Variants in TUSC3 observed in about 807,000 individuals in gnomAD.
TUSC3 encodes dolichyl-diphosphooligosaccharide--protein glycosyltransferase subunit TUSC3.
In TUSC3, 45 loss-of-function variants were observed where a neutral mutation model predicts 44.8. That is an observed-to-expected ratio of 1.00 (90% confidence interval 0.79 to 1.29). The LOEUF (loss-of-function observed/expected upper bound fraction) is 1.29. Ranked by LOEUF, TUSC3 falls within the 50% of genes most tolerant of loss-of-function variation. The pLI is 0.00. For synonymous variants in TUSC3, 212 were observed against 152.9 expected (o/e 1.39, Z -2.85); for missense variants, 519 against 437.9 (o/e 1.19, Z -1.65).
rs530312742 is a variant in TUSC3 at position 15,753,116 on chromosome 8, T to TTTCTAATCCTATAATGTTCTCTTCA, written c.1028+4653_1029-4649dup. 1.6e-4 allele frequency among the ~76,000 whole-genome samples: 25 copies of TTTCTAATCCTATAATGTTCTCTTCA among 152,194 alleles called. No homozygotes were observed. The East Asian group carries it at 3.7e-3, about 22-fold the overall frequency. On this transcript the variant is annotated intron_variant, in intron 9 of 10. Coordinates refer to ENST00000503731, the MANE Select transcript of TUSC3 (RefSeq NM_006765.4). ...TAGATGTGATTCCCTTTTTATGTTT[T>TTTCTAATCCTATAATGTTCTCTTCA]TTCTAATCCTATAATGTTCTCTTCA...
chr8:15,629,465 T>A (rs531689123), intron 2 of TUSC3, among the ~76,000 whole-genome samples: 1 of 152,114 alleles, frequency 6.6e-6, no homozygotes, highest in East Asian at 1.9e-4. Flanking sequence ...AGAAAAATTA[T>A]TCAAATTATA....
chr8:15,836,840 T>A, the TUSC3 span, among the ~76,000 whole-genome samples: 1 of 152,330 alleles, frequency 6.6e-6, no homozygotes, highest in South Asian at 2.1e-4. Flanking sequence ...TGCAGTTTTA[T>A]ACTTCTACTT....
intron 10 of TUSC3, chr8:15,758,151 G>C (rs887087250): frequency 8.1e-6 from 9 of 1,106,680 alleles, no homozygotes; most frequent in Non-Finnish European, 9.9e-6. Context: ...TTATCACTTA[G>C]GGAAAAAAGG....
intron 6 of TUSC3, among the ~76,000 whole-genome samples, chr8:15,729,878 A>G (rs995505008): frequency 6.6e-6 from 1 of 152,170 alleles, no homozygotes; most frequent in Non-Finnish European, 1.5e-5. Context: ...AGAAAAAAAA[A>G]AGATACCTTC....
intron 6 of TUSC3, among the ~76,000 whole-genome samples, chr8:15,719,497 ACACACACACACACACACAC>A (rs1350017588): frequency 0.017 from 2,149 of 129,970 alleles, 30 homozygotes; most frequent in African/African-American, 0.056. Context: ...ACAGTTCATC[ACACACACACACACACACAC>A]CACACACACA....
chr8:15,540,191 C>A, upstream of TUSC3: 1 of 501,344 alleles, frequency 2.0e-6, no homozygotes, highest in East Asian at 3.7e-5. Flanking sequence ...GCCTGGCTCC[C>A]TCGCCACGCC....
At chr8:15,739,139 T>C (rs1026949018) in intron 7 of TUSC3, among the ~76,000 whole-genome samples, 1 of 152,126 alleles carries the variant, frequency 6.6e-6, no homozygotes, top group Admixed American at 6.5e-5. Flanking sequence ...CCTCTTGCTT[T>C]GTTATTAAGA....
At chr8:15,735,268 C>T (rs992959679) in intron 7 of TUSC3, among the ~76,000 whole-genome samples, 8 of 34,022 alleles carry the variant, frequency 2.4e-4, no homozygotes, top group Non-Finnish European at 4.8e-4. Context: ...AGTGACTCAG[C>T]TGCTGTTTTA....
At chr8:15,520,767 C>A (rs1312902154) in intron 2 of TUSC3, among the ~76,000 whole-genome samples, 1 of 152,136 alleles carries the variant, frequency 6.6e-6, no homozygotes, top group African/African-American at 2.4e-5. Flanking sequence ...CCTACAAACA[C>A]CATAAAGTAT....
chr8:15,801,043 A>G, the TUSC3 span, among the ~76,000 whole-genome samples: 1 of 152,194 alleles, frequency 6.6e-6, no homozygotes, highest in African/African-American at 2.4e-5. Context: ...ATCTCACCCA[A>G]GAAAGAATTC....
At chr8:15,769,536 A>G (rs1812404805), downstream of TUSC3, among the ~76,000 whole-genome samples, 1 of 152,240 alleles carries the variant, frequency 6.6e-6, no homozygotes, top group African/African-American at 2.4e-5. Context: ...CTTCATGACT[A>G]AAACACCAAA....
intron 5 of TUSC3, among the ~76,000 whole-genome samples, chr8:15,664,404 G>A (rs2129180743): frequency 6.7e-6 from 1 of 150,302 alleles, no homozygotes; most frequent in East Asian, 2.0e-4. Context: ...CAGTTGATCA[G>A]TTTTCTTGAA....
chr8:15,771,335 G>C (rs767065360), downstream of TUSC3, among the ~76,000 whole-genome samples: 1 of 151,988 alleles, frequency 6.6e-6, no homozygotes, highest in South Asian at 2.1e-4. Context: ...GCAAAAATAA[G>C]AAAGCTGATT....
chr8:15,665,090 C>A (rs1349213258), intron 5 of TUSC3, among the ~76,000 whole-genome samples: 1 of 151,504 alleles, frequency 6.6e-6, no homozygotes, highest in Admixed American at 6.6e-5. Flanking sequence ...ACTAATATCT[C>A]ATTTTTCCTT....
chr8:15,827,314 T>C, the TUSC3 span, among the ~76,000 whole-genome samples: 1 of 152,210 alleles, frequency 6.6e-6, no homozygotes, highest in Non-Finnish European at 1.5e-5. Flanking sequence ...GCTGAAGACA[T>C]TAAAAAATAT....
chr8:15,774,520 A>G, the TUSC3 span, among the ~76,000 whole-genome samples: 2 of 152,140 alleles, frequency 1.3e-5, no homozygotes, highest in African/African-American at 2.4e-5. Flanking sequence ...GGATTCCCAT[A>G]AAGGTCTCAC....
At chr8:15,481,194 C>G (rs1341459484) in intron 1 of TUSC3, among the ~76,000 whole-genome samples, 1 of 148,540 alleles carries the variant, frequency 6.7e-6, no homozygotes, top group Non-Finnish European at 1.5e-5. Flanking sequence ...CTGTGGTGAG[C>G]CGAGATGGCA....
At chr8:15,529,653 T>C (rs1163276694) in intron 2 of TUSC3, among the ~76,000 whole-genome samples, 1 of 152,028 alleles carries the variant, frequency 6.6e-6, no homozygotes, top group East Asian at 1.9e-4. Context: ...GAAAAATGGC[T>C]AGGATTAAAT....
At chr8:15,461,123 T>C (rs1057360763) in intron 1 of TUSC3, among the ~76,000 whole-genome samples, 2 of 152,040 alleles carry the variant, frequency 1.3e-5, no homozygotes, top group East Asian at 1.9e-4. Flanking sequence ...TTTGGCAGTA[T>C]GGTCATTTTC....
Sources: gnomAD v4.1 joint callset for allele counts (sites outside exome capture counted in the v4.1 genomes callset) on GRCh38, gnomAD v4.1.1 for gene constraint, MANE v1.5 for transcripts, NCBI Gene and HGNC (gene_info 2026-07-23, HGNC 2026-07-21) for gene names.